Variants in PROX1 observed in about 807,000 individuals in gnomAD.
PROX1 encodes the protein prospero homeobox 1, also known as prospero homeobox protein 1.
Under a neutral mutation model 58.8 loss-of-function variants are expected in PROX1, and 7 were observed. That is an observed-to-expected ratio of 0.12 (90% CI 0.07 to 0.22). The LOEUF (loss-of-function observed/expected upper bound fraction) is 0.22. Ranked by LOEUF, PROX1 falls within the 10% of genes least tolerant of loss-of-function variation. The pLI is 1.00. For synonymous variants in PROX1, 350 were observed against 358.3 expected (o/e 0.98, Z 0.26); for missense variants, 675 against 927.8 (o/e 0.73, Z 3.54).
chr1:213,984,021 T>A (rs962485193), upstream of PROX1: 1 of 152,232 alleles, frequency 6.6e-6, no homozygotes, highest in Non-Finnish European at 1.5e-5. Context: ...CACCATCTGT[T>A]AATATCTTGG....
intron 4 of PROX1, among the ~76,000 whole-genome samples, chr1:214,032,845 T>A (rs1664704342): frequency 6.6e-6 from 1 of 152,086 alleles, no homozygotes; most frequent in Non-Finnish European, 1.5e-5. Context: ...TGATAAAGGA[T>A]AACCTATGAT....
chr1:214,014,193 A>G (rs929430009), intron 4 of PROX1, among the ~76,000 whole-genome samples: 1 of 152,224 alleles, frequency 6.6e-6, no homozygotes, highest in South Asian at 2.1e-4. Context: ...GCCGTGGCTG[A>G]GAGCCAAAAG....
In PROX1 at chr1:214,039,776, C is replaced by G. The variant is rs1047714497; in HGVS notation, c.*3942C>G. 1 of 151,764 alleles carries G rather than the reference C, an allele frequency of 6.6e-6. No homozygotes were observed. The highest frequency in any genetic ancestry group is 1.9e-4 in the East Asian group (1 of 5,186). 9.4% of individuals were successfully genotyped at this position (151,764 alleles called of 1,614,324 possible). ...AAGACATTTAGTAAGTAACACCCCC[C>G]CTTCCCATGCGCACATGTGCGCATA... On this transcript the variant is annotated 3_prime_UTR_variant, in exon 5 of 5. Transcript: ENST00000366958.
intron 3 of PROX1, among the ~76,000 whole-genome samples, chr1:214,006,905 G>A (rs566528402): frequency 2.0e-5 from 3 of 152,204 alleles, no homozygotes; most frequent in African/African-American, 7.2e-5. Flanking sequence ...CCAGAAGTAG[G>A]CCAAAGAGCT....
chr1:213,989,741 AGGTTGGT>A (rs1662954648), intron 1 of PROX1: 1 of 152,250 alleles, frequency 6.6e-6, no homozygotes, highest in African/African-American at 2.4e-5. Context: ...CTGAAGCTGA[AGGTTGGT>A]GGAGTGATGG....
intron 4 of PROX1, chr1:214,031,034 C>CGTGTGTGTGTGTGTGTGTGTGTGT (rs34640999): frequency 6.9e-6 from 1 of 145,496 alleles, no homozygotes; most frequent in Admixed American, 6.8e-5. Flanking sequence ...CCCAACACAC[C>CGTGTGTGTGTGTGTGTGTGTGTGT]GTGTGTGTGT....
Position 213,997,298 on chromosome 1 carries a change from G to A in PROX1, c.763G>A (p.Glu255Lys). Reference protein sequence around the residue: ...DMQKQLRQLQEKFYQIYDSTD... With the variant: ...DMQKQLRQLQKKFYQIYDSTD... ...GCAGAAACAGCTGCGCCAGCTGCAG[G>A]AAAAGTTCTACCAAATCTATGACAG... The change falls in exon 2 of 5, where the codon GAA becomes AAA. Residue 255 changes from glutamate to lysine, a missense_variant. By Grantham distance (56) the Glu-to-Lys change is moderately conservative. This residue lies in a region of PROX1 where 403 missense variants were observed against 477.4 expected (regional missense o/e 0.84). Coordinates refer to ENST00000366958, the MANE Select transcript of PROX1 (RefSeq NM_001270616.2). The surrounding 1 kb of genome is among the most constrained non-coding windows in gnomAD (Gnocchi z 7.1). 6.2e-7 allele frequency: 1 copy of A among 1,614,080 alleles called. No homozygotes were observed. The highest frequency in any genetic ancestry group is 1.7e-5 in the Admixed American group (1 of 60,016).
At position 214,035,946 on chromosome 1, in the gene PROX1, A is replaced by G; in HGVS notation, c.*112A>G. The G allele has an allele frequency of 1.1e-6, 1 of 869,638 alleles. No individual in the cohort carries two copies. 53.9% of individuals were successfully genotyped at this position (869,638 alleles called of 1,614,324 possible). ...ATATATGTGTATGGGAGGCATGGATATGTTATGAAATCAGCTGGTAATTCC... is the reference window on the plus strand; with the variant it reads ...ATATATGTGTATGGGAGGCATGGATGTGTTATGAAATCAGCTGGTAATTCC... On this transcript the variant is annotated 3_prime_UTR_variant, in exon 5 of 5. Coordinates refer to ENST00000366958, the MANE Select transcript of PROX1 (RefSeq NM_001270616.2).
At chr1:214,003,844 C>G (rs925682708) in intron 2 of PROX1, among the ~76,000 whole-genome samples, 5 of 152,188 alleles carry the variant, frequency 3.3e-5, no homozygotes, top group African/African-American at 7.2e-5. Flanking sequence ...TGGTTTCCCT[C>G]CATTCTTAAG....
At chr1:214,000,543 C>T (rs1663466983) in intron 2 of PROX1, among the ~76,000 whole-genome samples, 1 of 152,186 alleles carries the variant, frequency 6.6e-6, no homozygotes, top group Non-Finnish European at 1.5e-5. Flanking sequence ...TTGTTTCTTT[C>T]ATATAGCTAA....
intron 4 of PROX1, among the ~76,000 whole-genome samples, chr1:214,017,709 GCT>G (rs1300042877): frequency 6.6e-6 from 1 of 151,954 alleles, no homozygotes; most frequent in Non-Finnish European, 1.5e-5. Context: ...TGATCTATTG[GCT>G]CTCTCGGCGG....
At chr1:214,003,659 C>A (rs761848448) in intron 2 of PROX1, among the ~76,000 whole-genome samples, 4 of 152,130 alleles carry the variant, frequency 2.6e-5, no homozygotes. Flanking sequence ...AATAAAAAAC[C>A]TGCACTACTT....
Position 214,040,890 on chromosome 1 carries a change from C to T in PROX1, c.*5056C>T, listed in dbSNP as rs890235578. ...GATGAAGGTGTACAATTTTGTATTA[C>T]CAAGGATGTACTGTAATATTAATTG... On this transcript the variant is annotated 3_prime_UTR_variant, in exon 5 of 5. Transcript: ENST00000366958. The T allele has an allele frequency of 2.6e-5, 4 of 151,398 alleles. No individual in the cohort carries two copies. The highest frequency in any genetic ancestry group is 5.9e-5 in the Non-Finnish European group (4 of 67,896). 9.4% of individuals were successfully genotyped at this position (151,398 alleles called of 1,614,324 possible). A position where few individuals can be genotyped will look rare whatever the true frequency, so the allele number is the denominator to read the frequency against.
intron 4 of PROX1, among the ~76,000 whole-genome samples, chr1:214,017,431 G>A (rs1664132437): frequency 6.6e-6 from 1 of 152,092 alleles, no homozygotes; most frequent in Admixed American, 6.5e-5. Context: ...TCCATTTAAT[G>A]TAGGAGAAAA....
chr1:213,985,643 G>C (rs340875), upstream of PROX1: 64,818 of 152,192 alleles, frequency 0.43, 14,611 homozygotes, highest in South Asian at 0.56. Context: ...GCCTGCTTTT[G>C]CCCACGGCGT....
chr1:214,000,382 A>C (rs1316232575), intron 2 of PROX1, among the ~76,000 whole-genome samples: 1 of 152,210 alleles, frequency 6.6e-6, no homozygotes, highest in African/African-American at 2.4e-5. Context: ...TTTTATTTTG[A>C]TACATATCAA....
rs1473829623 is a variant in PROX1, at chr1:214,028,029, G to T, written c.2029-7620G>T. Among the ~76,000 whole-genome samples the T allele has an allele frequency of 3.3e-5, 5 of 151,582 alleles. No homozygotes were observed. The East Asian group carries it at 9.7e-4, about 29-fold the overall frequency. ...ATTTAAACAGCAAAACATGTAACTA[G>T]AAAGTGGGCCCAAACTGCATGGGTA... On this transcript the variant is annotated intron_variant, in intron 4 of 4. Coordinates refer to ENST00000366958, the MANE Select transcript of PROX1 (RefSeq NM_001270616.2).
intron 2 of PROX1, among the ~76,000 whole-genome samples, chr1:213,999,309 G>A (rs557317899): frequency 6.6e-4 from 101 of 152,196 alleles, no homozygotes; most frequent in African/African-American, 2.4e-3. Context: ...GCATTTGGGG[G>A]CAGGTGGAGG....
chr1:213,990,690 GTGTGTGTGTGTT>G (rs1558165635), intron 1 of PROX1, among the ~76,000 whole-genome samples: 61 of 131,392 alleles, frequency 4.6e-4, no homozygotes, highest in African/African-American at 1.1e-3. Flanking sequence ...GTGTGTGTGT[GTGTGTGTGTGTT>G]TGTGTGTGTG....
Sources: gnomAD v4.1 joint callset for allele counts (sites outside exome capture counted in the v4.1 genomes callset) on GRCh38, gnomAD v4.1.1 for gene constraint, gnomAD v4.1.1 regional missense constraint, Gnocchi (gnomAD v3.1) non-coding constraint, MANE v1.5 for transcripts, NCBI Gene and HGNC (gene_info 2026-07-23, HGNC 2026-07-21) for gene names.